The following WIPF2 variants were observed in gnomAD, a reference collection of about 807,000 sequenced individuals.
WIPF2 encodes WAS/WASL-interacting protein family member 2.
Under a neutral mutation model 38.8 loss-of-function variants are expected in WIPF2, and 23 were observed. The observed-to-expected ratio is 0.59, with a 90% CI of 0.43 to 0.84. WIPF2 has a LOEUF of 0.84. Among genes scored for constraint, WIPF2 ranks in the 40% least tolerant of loss-of-function variants. The probability of loss-of-function intolerance (pLI) is 0.00; values close to 1 mark genes in which losing one functional copy is unlikely to be tolerated. For missense variants in WIPF2, 574 were observed against 580.5 expected, an observed-to-expected ratio of 0.99 and a Z score of 0.11; for synonymous variants, 210 against 223.2, an observed-to-expected ratio of 0.94 and a Z score of 0.53.
At chr17:40,244,175 C>G (rs1305490589) in intron 1 of WIPF2, among the ~76,000 whole-genome samples, 2 of 152,134 alleles carry the variant, frequency 1.3e-5, no homozygotes, top group Non-Finnish European at 2.9e-5. Flanking sequence ...ACCAGAAACA[C>G]TTTAGTGGAA....
intron 1 of WIPF2, among the ~76,000 whole-genome samples, chr17:40,228,225 C>T (rs931894495): frequency 4.4e-4 from 67 of 151,150 alleles, no homozygotes; most frequent in African/African-American, 1.5e-3. Context: ...CCGTTTTAGC[C>T]GGGATGGTCT....
intron 6 of WIPF2, among the ~76,000 whole-genome samples, chr17:40,276,564 A>G (rs1201192155): frequency 1.3e-5 from 2 of 149,500 alleles, no homozygotes; most frequent in South Asian, 2.1e-4. Flanking sequence ...TCTTTCTGCT[A>G]CCATGCAAAC....
intron 1 of WIPF2, among the ~76,000 whole-genome samples, chr17:40,242,494 A>T (rs1359880571): frequency 6.6e-6 from 1 of 151,994 alleles, no homozygotes; most frequent in Non-Finnish European, 1.5e-5. Flanking sequence ...CCGCCTGCCG[A>T]GTTCAAGTGA....
At chr17:40,225,365 A>T (rs1408794697) in intron 1 of WIPF2, among the ~76,000 whole-genome samples, 1 of 152,040 alleles carries the variant, frequency 6.6e-6, no homozygotes, top group Non-Finnish European at 1.5e-5. Flanking sequence ...TTTATGGGGA[A>T]CAACAATGTT....
chr17:40,246,580 G>A (rs1390885415), intron 1 of WIPF2, among the ~76,000 whole-genome samples: 1 of 150,814 alleles, frequency 6.6e-6, no homozygotes, highest in Non-Finnish European at 1.5e-5. Flanking sequence ...TGTATTTTTA[G>A]TAGAGATGGT....
intron 1 of WIPF2, among the ~76,000 whole-genome samples, chr17:40,241,580 G>C (rs1364923456): frequency 1.3e-5 from 2 of 152,084 alleles, no homozygotes; most frequent in Non-Finnish European, 2.9e-5. Flanking sequence ...CCGCTCCTGG[G>C]ATGTACAGGG....
At chr17:40,254,738 CTT>C (rs376621435) in intron 1 of WIPF2, among the ~76,000 whole-genome samples, 2 of 145,684 alleles carry the variant, frequency 1.4e-5, no homozygotes, top group Non-Finnish European at 3.0e-5. Context: ...ATGATTTTTC[CTT>C]TTTTTTTTTG....
chr17:40,274,978 G>A (rs1378796739), intron 6 of WIPF2, among the ~76,000 whole-genome samples: 3 of 143,050 alleles, frequency 2.1e-5, no homozygotes, highest in African/African-American at 7.7e-5. Context: ...AGTGGCTCAC[G>A]CCTGTAATCG....
intron 2 of WIPF2, among the ~76,000 whole-genome samples, chr17:40,259,459 C>CA (rs1202730260): frequency 1.3e-5 from 2 of 150,140 alleles, no homozygotes; most frequent in Middle Eastern, 3.2e-3. Context: ...AAGCAAAAAG[C>CA]AAAAAAAGCA....
chr17:40,269,312 T>C (rs1320116097), intron 5 of WIPF2, among the ~76,000 whole-genome samples: 1 of 151,680 alleles, frequency 6.6e-6, no homozygotes, highest in Admixed American at 6.6e-5. Flanking sequence ...TGAGCGAGAC[T>C]CTGTCTCAAA....
chr17:40,282,148 C>T lies in WIPF2; in HGVS notation c.*3923C>T, dbSNP rs908489471. On this transcript the variant is annotated 3_prime_UTR_variant, in exon 8 of 8. Coordinates refer to ENST00000323571, the MANE Select transcript of WIPF2 (RefSeq NM_133264.5). ...AAAAAAAAAAAAGGATAACTTTAAC[C>T]GAAGGAAGGGTTTGGTTCCATTCAA... The T allele has an allele frequency of 4.7e-5, 7 of 149,810 alleles. No homozygotes were observed. Among genetic ancestry groups the T allele is most frequent in the East Asian group, 4.0e-4 (2 of 4,952 alleles). The allele number at this position is 149,810 out of a possible 1,614,324, so 9.3% of individuals were successfully genotyped here.
At chr17:40,258,621 G>A (rs2031803775) in intron 2 of WIPF2, among the ~76,000 whole-genome samples, 1 of 151,896 alleles carries the variant, frequency 6.6e-6, no homozygotes, top group South Asian at 2.1e-4. Context: ...GTATGGTGAT[G>A]TTGGGGGTAG....
chr17:40,248,163 C>CTTTTT (rs60359132), intron 1 of WIPF2, among the ~76,000 whole-genome samples: 10 of 47,620 alleles, frequency 2.1e-4, no homozygotes, highest in Non-Finnish European at 2.5e-4. Context: ...AAAGTTATTT[C>CTTTTT]TTTTTTTTTT....
In WIPF2 at chr17:40,265,155, T is replaced by C. The variant is rs1267375353; in HGVS notation, c.970+9T>C. The C allele has an allele frequency of 6.3e-7, 1 of 1,586,138 alleles. No homozygotes were observed. The highest frequency in any genetic ancestry group is 2.2e-5 in the East Asian group (1 of 44,568). On this transcript the variant is annotated intron_variant, in intron 5 of 7. Coordinates refer to ENST00000323571, the MANE Select transcript of WIPF2 (RefSeq NM_133264.5). ...TCCCAGTCGGGGAGCAGGTAAGTGC[T>C]TGGAAGCACCTTTTTCCCTATCATG...
In WIPF2 at chr17:40,280,815, CTTG is replaced by C. The variant is rs1471650230; in HGVS notation, c.*2595_*2597del. 6.6e-6 allele frequency: 1 copy of C among 152,520 alleles called. No homozygotes were observed. Among genetic ancestry groups the C allele is most frequent in the African/African-American group, 2.4e-5 (1 of 41,410 alleles). The allele number at this position is 152,520 out of a possible 1,614,324, so 9.4% of individuals were successfully genotyped here. ...GTGTCACATGGGTATTGATTGTATA[CTTG>C]TTGTCTTGGCCTCATGCAAAAAGGC... On this transcript the variant is annotated 3_prime_UTR_variant, in exon 8 of 8. Coordinates refer to ENST00000323571, the MANE Select transcript of WIPF2 (RefSeq NM_133264.5).
intron 7 of WIPF2, among the ~76,000 whole-genome samples, chr17:40,277,737 T>TTTTTTC (rs1567727188): frequency 6.9e-6 from 1 of 145,964 alleles, no homozygotes; most frequent in African/African-American, 2.7e-5. Context: ...TTTTTTTTTT[T>TTTTTTC]TTTTTGAGAT....
intron 1 of WIPF2, among the ~76,000 whole-genome samples, chr17:40,248,741 CT>C (rs1387960584): frequency 1.3e-5 from 2 of 152,154 alleles, no homozygotes; most frequent in African/African-American, 2.4e-5. Context: ...CAACTGTCTT[CT>C]CCTTAGATTA....
rs750892977 is a variant in WIPF2, at chr17:40,262,505, C to G, written c.197-20C>G. ...AGCTGAGAGCATGTGAAATGAAAAC[C>G]CTACTGGTATGCTTTCCAGAGCCGA... On this transcript the variant is annotated intron_variant, in intron 3 of 7. Coordinates refer to ENST00000323571, the MANE Select transcript of WIPF2 (RefSeq NM_133264.5). 1.9e-6 allele frequency: 3 copies of G among 1,602,672 alleles called. No homozygotes were observed. Among genetic ancestry groups the G allele is most frequent in the Non-Finnish European group, 2.6e-6 (3 of 1,170,240 alleles).
intron 6 of WIPF2, among the ~76,000 whole-genome samples, chr17:40,274,516 C>T (rs1385448285): frequency 9.2e-6 from 1 of 108,534 alleles, no homozygotes; most frequent in Non-Finnish European, 1.7e-5. Flanking sequence ...GCTGGGATTA[C>T]ACATGTGAGC....
Sources: allele counts gnomAD v4.1 joint callset (sites outside exome capture counted in the v4.1 genomes callset), GRCh38; gene constraint gnomAD v4.1.1; transcripts MANE v1.5; gene names NCBI Gene and HGNC (gene_info 2026-07-23, HGNC 2026-07-21).